Variants in GCA observed in about 807,000 individuals in gnomAD.
The protein encoded by GCA is grancalcin, EF-hand calcium-binding protein.
Under a neutral mutation model 32.6 loss-of-function variants are expected in GCA, and 30 were observed. The observed-to-expected ratio is 0.92, with a 90% CI of 0.69 to 1.25. GCA has a LOEUF of 1.25. Ranked by LOEUF, GCA falls within the 50% of genes most tolerant of loss-of-function variation. The pLI is 0.00. For synonymous variants in GCA, 102 were observed against 84.6 expected (o/e 1.21, Z -1.13); for missense variants, 291 against 266.8 (o/e 1.09, Z -0.63).
chr2:162,372,280 C>T (rs533811162), downstream of GCA, among the ~76,000 whole-genome samples: 10 of 152,168 alleles, frequency 6.6e-5, no homozygotes, highest in African/African-American at 2.4e-4. Flanking sequence ...TACAGATAAT[C>T]CTAAACAACC....
chr2:162,368,624 C>T (rs2105372864), intron 4 of GCA, among the ~76,000 whole-genome samples: 1 of 151,958 alleles, frequency 6.6e-6, no homozygotes, highest in South Asian at 2.1e-4. Flanking sequence ...TAAAGTTCAC[C>T]CTCCAAAAGG....
intron 4 of GCA, among the ~76,000 whole-genome samples, chr2:162,369,815 C>A (rs1180881738): frequency 6.6e-6 from 1 of 152,096 alleles, no homozygotes; most frequent in African/African-American, 2.4e-5. Context: ...ATTTATAGGA[C>A]TTTCTCTTCC....
chr2:162,334,400 A>G (rs1266262390), intron 1 of GCA, among the ~76,000 whole-genome samples: 5 of 152,146 alleles, frequency 3.3e-5, no homozygotes, highest in Non-Finnish European at 7.3e-5. Context: ...CATTACCTCT[A>G]CTGCTAATGT....
At position 162,352,434 on chromosome 2, in the gene GCA, A is replaced by C. The variant is rs77450057; in HGVS notation, c.262+27A>C. The C allele has an allele frequency of 3.1e-6, 4 of 1,283,300 alleles. No homozygotes were observed. In the East Asian group the frequency reaches 9.2e-5, roughly 30 times the overall value. The allele number at this position is 1,283,300 out of a possible 1,614,324, so 79.5% of individuals were successfully genotyped here. A position where few individuals can be genotyped will look rare whatever the true frequency, so the allele number is the denominator to read the frequency against. ...TGAGATCTTTTTTCCCCTTTTGTTG[A>C]AATTATAATAGGAAGTTTATTTTCT... is the stretch of plus-strand genomic sequence containing the variant. On this transcript the variant is annotated intron_variant, in intron 3 of 7. Coordinates refer to ENST00000437150, the MANE Select transcript of GCA (RefSeq NM_012198.5).
At chr2:162,367,075 C>T (rs1334610531), downstream of GCA, among the ~76,000 whole-genome samples, 2 of 151,826 alleles carry the variant, frequency 1.3e-5, no homozygotes, top group Admixed American at 6.6e-5. Context: ...CTTATATTTT[C>T]AGAGGATCCT....
intron 5 of GCA, among the ~76,000 whole-genome samples, chr2:162,357,898 A>G (rs1685364442): frequency 6.6e-6 from 1 of 151,692 alleles, no homozygotes; most frequent in Non-Finnish European, 1.5e-5. Context: ...TAAAATATTC[A>G]AATTATTTTT....
intron 3 of GCA, among the ~76,000 whole-genome samples, chr2:162,354,984 T>A (rs1027745205): frequency 1.3e-5 from 2 of 152,182 alleles, no homozygotes; most frequent in Non-Finnish European, 2.9e-5. Flanking sequence ...GTTTTAGCGA[T>A]CTATTATCAT....
intron 1 of GCA, among the ~76,000 whole-genome samples, chr2:162,347,367 C>A (rs1684761776): frequency 6.6e-6 from 1 of 152,054 alleles, no homozygotes; most frequent in African/African-American, 2.4e-5. Flanking sequence ...TTTTATACTT[C>A]TTTTAATGCT....
At chr2:162,358,609 A>T (rs1685404115) in intron 5 of GCA, among the ~76,000 whole-genome samples, 1 of 151,348 alleles carries the variant, frequency 6.6e-6, no homozygotes, top group South Asian at 2.1e-4. Context: ...AATTTCTCTT[A>T]GTTATAAAAG....
At chr2:162,344,435 GCGAGC>G in intron 1 of GCA, 160 bp downstream of exon 1, 1 of 685,642 alleles carries the variant, frequency 1.5e-6, no homozygotes, top group Non-Finnish European at 2.5e-6. Flanking sequence ...CAGGGCCTGG[GCGAGC>G]ATTGATCCTG....
chr2:162,348,457 T>A (rs1316638437), intron 2 of GCA, among the ~76,000 whole-genome samples: 5 of 152,198 alleles, frequency 3.3e-5, no homozygotes, highest in Admixed American at 6.5e-5. Flanking sequence ...ATAGTAATTT[T>A]GATTTGATAT....
intron 7 of GCA, 75 bp from the exon 8 acceptor site, chr2:162,360,142 T>G: frequency 1.1e-6 from 1 of 897,078 alleles, no homozygotes; most frequent in South Asian, 1.6e-5. Context: ...AAAATGCTCT[T>G]ATGGAATATA....
chr2:162,363,505 A>T (rs2105363099), downstream of GCA, among the ~76,000 whole-genome samples: 1 of 151,546 alleles, frequency 6.6e-6, no homozygotes, highest in South Asian at 2.1e-4. Context: ...TTTAGAAGTT[A>T]TGAGTGCAGA....
intron 5 of GCA, among the ~76,000 whole-genome samples, chr2:162,357,343 A>T (rs111566627): frequency 6.6e-6 from 1 of 151,740 alleles, no homozygotes; most frequent in African/African-American, 2.4e-5. Flanking sequence ...GCCAAAATAC[A>T]TCAGGATGGA....
upstream of GCA, among the ~76,000 whole-genome samples, chr2:162,341,763 G>T (rs1372198755): frequency 6.6e-6 from 1 of 152,110 alleles, no homozygotes; most frequent in African/African-American, 2.4e-5. Context: ...GAGAAAAGGG[G>T]ACATACAATG....
intron 3 of GCA, among the ~76,000 whole-genome samples, chr2:162,356,082 TTC>T (rs1685253958): frequency 6.6e-6 from 1 of 152,032 alleles, no homozygotes; most frequent in Admixed American, 6.6e-5. Context: ...CATGTCAAAC[TTC>T]TACTTTAACT....
At chr2:162,326,166 T>C (rs1322852394) in intron 1 of GCA, among the ~76,000 whole-genome samples, 1 of 152,192 alleles carries the variant, frequency 6.6e-6, no homozygotes, top group Non-Finnish European at 1.5e-5. Flanking sequence ...GTTGGATCAA[T>C]CCTACATTGT....
chr2:162,373,587 T>TG (rs1266218958), downstream of GCA: 1 of 1,584,216 alleles, frequency 6.3e-7, no homozygotes. Context: ...TACTGTAGGC[T>TG]GGGGGGACCA....
At chr2:162,322,036 A>C (rs930662044) in intron 1 of GCA, among the ~76,000 whole-genome samples, 1 of 149,860 alleles carries the variant, frequency 6.7e-6, no homozygotes, top group Non-Finnish European at 1.5e-5. Context: ...ATTTAGCAGG[A>C]AAGTTTATTA....
Sources: allele counts gnomAD v4.1 joint callset (sites outside exome capture counted in the v4.1 genomes callset), GRCh38; gene constraint gnomAD v4.1.1; transcripts MANE v1.5; gene names NCBI Gene and HGNC (gene_info 2026-07-23, HGNC 2026-07-21).